NSMF: variants seen among roughly 807,000 people sequenced by gnomAD.
NSMF encodes the protein nasal embryonic LHRH factor.
Under a neutral mutation model 71.0 loss-of-function variants are expected in NSMF, and 31 were observed. That is an observed-to-expected ratio of 0.44 (90% confidence interval 0.33 to 0.59). The LOEUF is 0.59. NSMF is among the 20% of genes least tolerant of loss of function. The pLI, the probability that NSMF is intolerant of heterozygous loss-of-function variation, is 0.04. For missense variants in NSMF, 673 were observed against 740.5 expected (o/e 0.91, Z 1.06); for synonymous variants, 345 against 287.1 (o/e 1.20, Z -2.04).
chr9:137,458,135 G>A (rs901020759), intron 2 of NSMF, among the ~76,000 whole-genome samples: 9 of 152,180 alleles, frequency 5.9e-5, no homozygotes, highest in African/African-American at 1.4e-4. Context: ...CGGTCCTGCC[G>A]GGTAGGAACA....
At position 137,453,136 on chromosome 9, in the gene NSMF, C is replaced by G; in HGVS notation, c.967G>C (p.Glu323Gln). Residue 323 changes from glutamate to glutamine, a missense_variant, in exon 9 of 16, where the codon GAG (glutamate) becomes CAG (glutamine). Physicochemically the swap from Glu to Gln is conservative, Grantham distance 29. Transcript: ENST00000371475. The surrounding 1 kb of genome is among the most constrained non-coding windows in gnomAD (Gnocchi z 4.5). ...TTCTCAGTGTCCCAGTCCAGGTCCT[C>G]GAAGGCCTCGTCCAGCGTGCAGTGG... ...SSHCTLDEAFEDLDWDTEKGL... is the reference protein window; with the variant it reads ...SSHCTLDEAFQDLDWDTEKGL... 1.2e-6 allele frequency: 2 copies of G among 1,612,668 alleles called. No individual in the cohort carries two copies. The highest frequency in any genetic ancestry group is 1.7e-6 in the Non-Finnish European group (2 of 1,179,902).
intron 14 of NSMF, 39 bp from the exon 15 acceptor site, chr9:137,449,713 A>G (rs1417404796): frequency 1.3e-6 from 2 of 1,573,082 alleles, no homozygotes; most frequent in South Asian, 2.2e-5. Flanking sequence ...AGGCAGAGAG[A>G]TGGGGAAGGA....
chr9:137,457,893 G>A lies in NSMF; in HGVS notation c.142C>T (p.Leu48=). The change falls in exon 3 of 16, where the codon CTG becomes TTG. Residue 48 remains leucine (L), a synonymous_variant. Transcript: ENST00000371475. ...PENRNGADHL[L]ADAYSGHDGS... ...TCGTGGCCAGAGTAGGCATCAGCCA[G>A]CAGGTGATCTAGGAGAGACACTGAG... 1.3e-6 allele frequency: 2 copies of A among 1,544,046 alleles called. No individual in the cohort carries two copies. The highest frequency in any genetic ancestry group is 1.7e-6 in the Non-Finnish European group (2 of 1,148,808).
At chr9:137,454,537 C>G (rs769784203) in intron 6 of NSMF, 94 bp from the exon 7 acceptor site, 1 of 1,549,414 alleles carries the variant, frequency 6.5e-7, no homozygotes, top group Non-Finnish European at 8.7e-7. Context: ...TCTACTCTCA[C>G]CCCTTCGGTG....
At chr9:137,458,805 GC>G (rs1831012595) in intron 1 of NSMF, among the ~76,000 whole-genome samples, 1 of 152,160 alleles carries the variant, frequency 6.6e-6, no homozygotes, top group Admixed American at 6.5e-5. Context: ...GGGAACCGAG[GC>G]CACTCCCGAC....
Position 137,453,639 on chromosome 9 carries a change from A to T in NSMF, c.922+92T>A. 1 of 961,042 alleles carries T rather than the reference A, an allele frequency of 1.0e-6. No homozygotes were observed. 59.5% of individuals were successfully genotyped at this position (961,042 alleles called of 1,614,324 possible). On this transcript the variant is annotated intron_variant, in intron 8 of 15. Coordinates refer to ENST00000371475, the MANE Select transcript of NSMF (RefSeq NM_001130969.3). This position sits in a 1 kb window ranked among gnomAD's most constrained non-coding sequence, Gnocchi z 4.5. ...CCAAGATTCAGGAGTGCAAAAGCGC[A>T]GCCCAGCGGCCCTGGCAGGGGACCC... is the stretch of plus-strand genomic sequence containing the variant.
In NSMF at chr9:137,457,585, G is replaced by C; in HGVS notation, c.450C>G (p.Val150=). ...RASPGGSRED[V]SRPCQSWAGS... ...CCGCCCAGCTCTGGCAGGGCCTGCT[G>C]ACGTCCTCCCGGCTGCCACCAGGGC... The change falls in exon 3 of 16, where the codon GTC becomes GTG. Residue 150 remains valine (V), a synonymous_variant. Transcript: ENST00000371475. 6.4e-7 allele frequency: 1 copy of C among 1,567,138 alleles called. No individual in the cohort carries two copies. Among genetic ancestry groups the C allele is most frequent in the Non-Finnish European group, 8.6e-7 (1 of 1,156,400 alleles).
In NSMF at chr9:137,456,457, T is replaced by G; in HGVS notation, c.658A>C (p.Lys220Gln). Residue 220 changes from lysine to glutamine, a missense_variant, in exon 4 of 16, where the codon AAG (lysine) becomes CAG (glutamine). Lys to Gln is a moderately conservative substitution (Grantham distance 53, BLOSUM62 1). Transcript: ENST00000371475. The part of the protein sequence containing the change: ...DDIPIRTWFP[K>Q]ENLFSFQTAT... ...GTCTGGAAGCTGAAAAGATTTTCCT[T>G]GGGGAACCAGGTACGAATAGGGATG... is the stretch of plus-strand genomic sequence containing the variant. 6.2e-7 allele frequency: 1 copy of G among 1,613,290 alleles called. No individual in the cohort carries two copies. The highest frequency in any genetic ancestry group is 1.1e-5 in the South Asian group (1 of 91,080).
chr9:137,451,123 A>T (rs1163902323), intron 12 of NSMF, among the ~76,000 whole-genome samples: 1 of 33,458 alleles, frequency 3.0e-5, no homozygotes, highest in South Asian at 1.4e-3. Flanking sequence ...CTTCCCCTTG[A>T]TCTCCCGCGC....
At position 137,450,022 on chromosome 9, in the gene NSMF, G is replaced by A. The variant is rs756542078; in HGVS notation, c.1320C>T (p.Phe440=). ...KVEKEEDMIH[F]WKRLSRLMSK... ...TCATCAGGCGGCTCAGCCGCTTCCA[G>A]AAGCTGGTGGAGAGGGGTGGGTCAC... The change falls in exon 14 of 16, where the codon TTC becomes TTT. Residue 440 remains phenylalanine (F), a synonymous_variant. Transcript: ENST00000371475. 1.2e-5 allele frequency: 19 copies of A among 1,612,790 alleles called. No individual in the cohort carries two copies. The highest frequency in any genetic ancestry group is 1.6e-5 in the Non-Finnish European group (19 of 1,179,770).
At position 137,459,226 on chromosome 9, in the gene NSMF, CGGCTCGGGCTTG is replaced by C. The variant is rs1831050206; in HGVS notation, c.-136_-125del. 5 of 682,930 alleles carry C rather than the reference CGGCTCGGGCTTG, an allele frequency of 7.3e-6. No homozygotes were observed. Among genetic ancestry groups the C allele is most frequent in the Non-Finnish European group, 9.3e-6 (5 of 539,858 alleles). The allele number at this position is 682,930 out of a possible 1,614,324, so 42.3% of individuals were successfully genotyped here. A position where few individuals can be genotyped will look rare whatever the true frequency, so the allele number is the denominator to read the frequency against. On this transcript the variant is annotated 5_prime_UTR_variant, in exon 1 of 16. Transcript: ENST00000371475. The stretch of plus-strand genomic sequence containing the variant: ...CGGGCTCGGGGTCTCGCTCGGGCTC[CGGCTCGGGCTTG>C]GGCTCGGGGTCGGGCTCGGGGTCGG...
rs1839774390 is a variant in NSMF, at chr9:137,449,289, G to T, written c.*105C>A. The T allele has an allele frequency of 1.0e-6, 1 of 963,464 alleles. No homozygotes were observed. Among genetic ancestry groups the T allele is most frequent in the African/African-American group, 1.6e-5 (1 of 61,826 alleles). 59.7% of individuals were successfully genotyped at this position (963,464 alleles called of 1,614,324 possible). The stretch of plus-strand genomic sequence containing the variant: ...TCTGAGGTGCCCTGAAGTGGCTCCA[G>T]GCGAGACCGGAGCCACACAGTCCCG... On this transcript the variant is annotated 3_prime_UTR_variant, in exon 16 of 16. Coordinates refer to ENST00000371475, the MANE Select transcript of NSMF (RefSeq NM_001130969.3).
intron 12 of NSMF, 30 bp downstream of exon 12, chr9:137,452,335 C>T (rs753623737): frequency 4.4e-6 from 7 of 1,587,828 alleles, no homozygotes; most frequent in Non-Finnish European, 6.0e-6. Context: ...CGATTCTTCT[C>T]CTGGTCAGGA....
intron 6 of NSMF, 183 bp from the exon 7 acceptor site, chr9:137,454,626 C>G: frequency 6.5e-7 from 1 of 1,538,378 alleles, no homozygotes. Context: ...CTTCCCGCGA[C>G]AGCCTTCCAG....
rs774582940 is a variant in NSMF at position 137,458,548 on chromosome 9, C to T, written c.73G>A (p.Ala25Thr). ...AMSSVAAKVR[A>T]ARAFGEYLSQ... The stretch of plus-strand genomic sequence containing the variant: ...AGGTACTCTCCAAACGCTCGGGCTG[C>T]TCTGAGGGTGGACAGAGGGCACGGT... Residue 25 changes from alanine to threonine, a missense_variant and splice_region_variant, in exon 2 of 16, where the codon GCA (alanine) becomes ACA (threonine). Physicochemically the swap from Ala to Thr is moderately conservative, Grantham distance 58. Transcript: ENST00000371475. The T allele has an allele frequency of 1.9e-6, 3 of 1,595,262 alleles. No homozygotes were observed. In the Admixed American group the frequency reaches 5.2e-5, roughly 27 times the overall value.
intron 6 of NSMF, 143 bp downstream of exon 6, chr9:137,455,096 T>G (rs1830764337): frequency 1.1e-6 from 1 of 908,788 alleles, no homozygotes; most frequent in South Asian, 1.3e-5. Flanking sequence ...TGGCCTCTCC[T>G]GCCTGCCACG....
At chr9:137,454,776 G>A in intron 6 of NSMF, 2 of 1,407,722 alleles carry the variant, frequency 1.4e-6, no homozygotes, top group Non-Finnish European at 1.9e-6. Flanking sequence ...TGTGGCAGAG[G>A]ATCCAGCCTG....
chr9:137,457,932 C>T (rs973629661), intron 2 of NSMF, 31 bp from the exon 3 acceptor site: 14 of 1,536,792 alleles, frequency 9.1e-6, no homozygotes, highest in Middle Eastern at 1.8e-4. Context: ...GCCTGCCTGC[C>T]GCGTGTGGGC....
At position 137,453,927 on chromosome 9, in the gene NSMF, T is replaced by C. The variant is rs981315116; in HGVS notation, c.833-107A>G. Reference sequence around the variant, plus strand: ...GGCCCTGGGCAGAGGAGGAAGCTAATGTGGGTGGGGTCTAAGGCACATGAA... The same window carrying C: ...GGCCCTGGGCAGAGGAGGAAGCTAACGTGGGTGGGGTCTAAGGCACATGAA... On this transcript the variant is annotated intron_variant, in intron 7 of 15. Coordinates refer to ENST00000371475, the MANE Select transcript of NSMF (RefSeq NM_001130969.3). This position sits in a 1 kb window ranked among gnomAD's most constrained non-coding sequence, Gnocchi z 4.5. The C allele has an allele frequency of 4.3e-6, 4 of 938,042 alleles. No individual in the cohort carries two copies. The highest frequency in any genetic ancestry group is 2.1e-5 in the Admixed American group (1 of 47,630). 58.1% of individuals were successfully genotyped at this position (938,042 alleles called of 1,614,324 possible).
Sources: gnomAD v4.1 joint callset for allele counts (sites outside exome capture counted in the v4.1 genomes callset) on GRCh38, gnomAD v4.1.1 for gene constraint, Gnocchi (gnomAD v3.1) non-coding constraint, MANE v1.5 for transcripts, NCBI Gene and HGNC (gene_info 2026-07-23, HGNC 2026-07-21) for gene names.